The following PPP2CA variants were observed in gnomAD, a reference collection of about 807,000 sequenced individuals.
PPP2CA encodes the protein protein phosphatase 2 catalytic subunit alpha.
PPP2CA carries 5 observed loss-of-function variants against 38.8 expected under a neutral mutation model. The ratio of observed to expected loss-of-function variants is 0.13; its 90% CI spans 0.07 to 0.27. The LOEUF is 0.27. Among genes scored for constraint, PPP2CA ranks in the 10% least tolerant of loss-of-function variants. PPP2CA has a pLI of 1.00. For synonymous variants in PPP2CA, 152 were observed against 134.0 expected (o/e 1.13, Z -0.93); for missense variants, 88 against 389.7 (o/e 0.23, Z 6.52).
chr5:134,224,685 A>C (rs78320048), intron 1 of PPP2CA, among the ~76,000 whole-genome samples: 1,755 of 152,368 alleles, frequency 0.012, 34 homozygotes, highest in African/African-American at 0.038. Context: ...TAAAAATACA[A>C]CACAAAGCTA....
chr5:134,223,558 T>C (rs1762493102), intron 1 of PPP2CA, among the ~76,000 whole-genome samples: 1 of 152,230 alleles, frequency 6.6e-6, no homozygotes, highest in South Asian at 2.1e-4. Context: ...TCCATCTTTT[T>C]TGGCACTCAG....
intron 1 of PPP2CA, among the ~76,000 whole-genome samples, chr5:134,223,338 G>T (rs1448309461): frequency 6.6e-6 from 1 of 152,090 alleles, no homozygotes; most frequent in African/African-American, 2.4e-5. Context: ...TGTTTTACTA[G>T]AAAGACTTGT....
In PPP2CA at chr5:134,197,751, C is replaced by T; in HGVS notation, c.*21G>A. 6.3e-7 allele frequency: 1 copy of T among 1,593,686 alleles called. No homozygotes were observed. The highest frequency in any genetic ancestry group is 8.6e-7 in the Non-Finnish European group (1 of 1,161,690). ...GGTCGATATATGGTTCATGGCAATA[C>T]TGTACAAGTTTAAAATTTCATTACA... On this transcript the variant is annotated 3_prime_UTR_variant, in exon 7 of 7. Transcript: ENST00000481195.
At chr5:134,199,762 T>C (rs1761935180) in intron 5 of PPP2CA, among the ~76,000 whole-genome samples, 1 of 130,272 alleles carries the variant, frequency 7.7e-6, no homozygotes, top group South Asian at 2.7e-4. Context: ...GAGCTACTTT[T>C]GTTACTTTTT....
At chr5:134,205,773 G>A in intron 2 of PPP2CA, 149 bp downstream of exon 2, 1 of 655,494 alleles carries the variant, frequency 1.5e-6, no homozygotes. Flanking sequence ...AGACGCCTAT[G>A]ATTTTTAAGT....
chr5:134,212,246 G>A (rs1352696478), intron 1 of PPP2CA, among the ~76,000 whole-genome samples: 1 of 152,154 alleles, frequency 6.6e-6, no homozygotes, highest in African/African-American at 2.4e-5. Context: ...ACCCTGTGTG[G>A]AGCAAGTTTA....
chr5:134,198,009 G>C (rs763647675), intron 6 of PPP2CA, among the ~76,000 whole-genome samples, 165 bp from the exon 7 acceptor site: 1 of 152,102 alleles, frequency 6.6e-6, no homozygotes, highest in African/African-American at 2.4e-5. Context: ...TACTCCCCTT[G>C]AAAGAGTCAA....
chr5:134,206,829 C>G (rs1434211562), intron 1 of PPP2CA, among the ~76,000 whole-genome samples: 1 of 152,184 alleles, frequency 6.6e-6, no homozygotes, highest in Non-Finnish European at 1.5e-5. Flanking sequence ...TTTGCTCAAC[C>G]ATCTGTACCA....
chr5:134,213,215 T>G (rs1328472100), intron 1 of PPP2CA, among the ~76,000 whole-genome samples: 2 of 152,208 alleles, frequency 1.3e-5, no homozygotes, highest in African/African-American at 4.8e-5. Flanking sequence ...TAGAGGCTAA[T>G]GTAGCTGGTG....
intron 5 of PPP2CA, 35 bp downstream of exon 5, chr5:134,200,300 A>C: frequency 3.8e-6 from 6 of 1,559,716 alleles, no homozygotes; most frequent in Non-Finnish European, 3.5e-6. Context: ...AAGTTTACTA[A>C]AAAAACAAGT....
In PPP2CA at chr5:134,197,679, T is replaced by G; in HGVS notation, c.*93A>C. On this transcript the variant is annotated 3_prime_UTR_variant, in exon 7 of 7. Coordinates refer to ENST00000481195, the MANE Select transcript of PPP2CA (RefSeq NM_002715.4). ...GAAAACAAGTTTTTTGAATGTTAAC[T>G]ATTTTCTGACACTTTGGAGTTACTG... is the stretch of plus-strand genomic sequence containing the variant. 1 of 1,029,468 alleles carries G rather than the reference T, an allele frequency of 9.7e-7. No homozygotes were observed. Among genetic ancestry groups the G allele is most frequent in the Non-Finnish European group, 1.5e-6 (1 of 672,504 alleles). 63.8% of individuals were successfully genotyped at this position (1,029,468 alleles called of 1,614,324 possible).
intron 2 of PPP2CA, chr5:134,202,248 T>G (rs1383821006): frequency 2.3e-6 from 1 of 440,920 alleles, no homozygotes; most frequent in Admixed American, 4.3e-5. Flanking sequence ...CCACCAACTT[T>G]ATACCAAACA....
chr5:134,200,316 T>C lies in PPP2CA; in HGVS notation c.738+19A>G. 6.4e-7 allele frequency: 1 copy of C among 1,571,862 alleles called. No homozygotes were observed. Among genetic ancestry groups the C allele is most frequent in the Non-Finnish European group, 8.6e-7 (1 of 1,159,834 alleles). On this transcript the variant is annotated intron_variant, in intron 5 of 6. Transcript: ENST00000481195. ...AGTTTACTAAAAAAACAAGTCATAT[T>C]TCAGAGAACACAGCATACCTCCATC...
intron 5 of PPP2CA, 68 bp from the exon 6 acceptor site, chr5:134,199,272 G>A: frequency 8.2e-7 from 1 of 1,222,020 alleles, no homozygotes; most frequent in Non-Finnish European, 1.2e-6. Context: ...CTTCACTCAA[G>A]AGAGAAAAAA....
intron 1 of PPP2CA, among the ~76,000 whole-genome samples, chr5:134,222,166 T>C (rs922651827): frequency 6.6e-6 from 1 of 152,054 alleles, no homozygotes; most frequent in African/African-American, 2.4e-5. Context: ...TCAAGTCACT[T>C]TACCTTTCTG....
At position 134,196,512 on chromosome 5, in the gene PPP2CA, T is replaced by C. The variant is rs1464925861; in HGVS notation, c.*1260A>G. 1 of 152,224 alleles carries C rather than the reference T, an allele frequency of 6.6e-6. No homozygotes were observed. Among genetic ancestry groups the C allele is most frequent in the Non-Finnish European group, 1.5e-5 (1 of 68,028 alleles). 9.4% of individuals were successfully genotyped at this position (152,224 alleles called of 1,614,324 possible). A position where few individuals can be genotyped will look rare whatever the true frequency, so the allele number is the denominator to read the frequency against. ...ATCCAACAATAGTTTTCTATTTGGT[T>C]TCACTAGTATCACTCAAAGAACTTG... is the stretch of plus-strand genomic sequence containing the variant. On this transcript the variant is annotated 3_prime_UTR_variant, in exon 7 of 7. Coordinates refer to ENST00000481195, the MANE Select transcript of PPP2CA (RefSeq NM_002715.4).
intron 1 of PPP2CA, among the ~76,000 whole-genome samples, chr5:134,217,433 A>G (rs1017223818): frequency 6.6e-6 from 1 of 152,228 alleles, no homozygotes; most frequent in Non-Finnish European, 1.5e-5. Flanking sequence ...AAATGCAATT[A>G]ATTTTTGAAT....
intron 1 of PPP2CA, among the ~76,000 whole-genome samples, chr5:134,215,250 C>T (rs1443571919): frequency 6.6e-6 from 1 of 152,072 alleles, no homozygotes; most frequent in Non-Finnish European, 1.5e-5. Context: ...AGGTGTGCCA[C>T]CACACCCAAC....
At chr5:134,201,161 C>G in intron 3 of PPP2CA, 87 bp from the exon 4 acceptor site, 1 of 1,027,030 alleles carries the variant, frequency 9.7e-7, no homozygotes, top group Non-Finnish European at 1.5e-6. Context: ...CCTGTAACCC[C>G]AGCACTTTGG....
Sources: gnomAD v4.1 joint callset for allele counts (sites outside exome capture counted in the v4.1 genomes callset) on GRCh38, gnomAD v4.1.1 for gene constraint, MANE v1.5 for transcripts, NCBI Gene and HGNC (gene_info 2026-07-23, HGNC 2026-07-21) for gene names.